Variants in KEL observed in about 807,000 individuals in gnomAD.
KEL encodes kell blood group glycoprotein.
KEL carries 96 observed loss-of-function variants against 99.5 expected under a neutral mutation model. The observed-to-expected ratio is 0.97, with a 90% CI of 0.82 to 1.14. The LOEUF (loss-of-function observed/expected upper bound fraction) is 1.14. Ranked by LOEUF, KEL falls within the 50% of genes most tolerant of loss-of-function variation. The pLI, the probability that KEL is intolerant of heterozygous loss-of-function variation, is 0.00. For missense variants in KEL, 926 were observed against 924.2 expected, an observed-to-expected ratio of 1.00 and a Z score of -0.03; for synonymous variants, 355 against 354.8, an observed-to-expected ratio of 1.00 and a Z score of -0.01.
rs772817119 is a variant in KEL, at chr7:142,954,153, C to T, written c.924+31G>A. 3 of 1,598,752 alleles carry T rather than the reference C, an allele frequency of 1.9e-6. No homozygotes were observed. The African/African-American group carries it at 4.0e-5, about 21-fold the overall frequency. On this transcript the variant is annotated intron_variant, in intron 8 of 18. Transcript: ENST00000355265. ...ATGTTTGAGAGGAAGATCCCCATGC[C>T]CACAGTCTTCTGGCCCCCAGTTCCA...
At chr7:142,945,680 G>A (rs1419151601) in intron 11 of KEL, among the ~76,000 whole-genome samples, 1 of 151,906 alleles carries the variant, frequency 6.6e-6, no homozygotes, top group Admixed American at 6.6e-5. Flanking sequence ...CCAGGCTAGA[G>A]TACAATGGCG....
At chr7:142,941,519 C>T in intron 18 of KEL, 106 bp from the exon 19 acceptor site, 3 of 1,067,610 alleles carry the variant, frequency 2.8e-6, no homozygotes, top group Non-Finnish European at 4.1e-6. Flanking sequence ...ACCAGGGGAT[C>T]AAGTGCCCCA....
chr7:142,958,453 G>T, intron 4 of KEL, 25 bp from the exon 5 acceptor site: 1 of 1,612,390 alleles, frequency 6.2e-7, no homozygotes, highest in Admixed American at 1.7e-5. Context: ...TGGGAGTGAG[G>T]ACTAAACTCT....
At chr7:142,960,907 C>A (rs766787214) in intron 4 of KEL, 21 bp downstream of exon 4, 2 of 1,613,560 alleles carry the variant, frequency 1.2e-6, no homozygotes, top group South Asian at 2.2e-5. Flanking sequence ...CACAGAGCAT[C>A]TTCCACCCTG....
Position 142,957,961 on chromosome 7 carries a change from G to A in KEL, c.538C>T (p.Arg180Cys), listed in dbSNP as rs747437444. ...RQVIEELGGWRISGKWTSLNF... is the reference protein window; with the variant it reads ...RQVIEELGGWCISGKWTSLNF... Reference sequence around the variant, plus strand: ...AAGGAAGTCCATTTACCAGAGATGCGCCAGCCTCCAAGCTTTAAAGGAGAG... The same window carrying A: ...AAGGAAGTCCATTTACCAGAGATGCACCAGCCTCCAAGCTTTAAAGGAGAG... The change falls in exon 6 of 19, where the codon CGC becomes TGC. Residue 180 changes from arginine (R) to cysteine (C), a missense_variant. Transcript: ENST00000355265. The A allele has an allele frequency of 2.2e-5, 36 of 1,613,998 alleles. 1 individual carries two copies. Among genetic ancestry groups the A allele is most frequent in the South Asian group, 1.1e-4 (10 of 91,050 alleles).
chr7:142,950,604 C>T (rs1253390165), intron 10 of KEL, among the ~76,000 whole-genome samples: 1 of 152,232 alleles, frequency 6.6e-6, no homozygotes, highest in African/African-American at 2.4e-5. Context: ...ATCTCTCCCT[C>T]TTGGGAACTC....
chr7:142,943,789 TG>T lies in KEL; in HGVS notation c.1585del (p.Gln529AsnfsTer22). 1.2e-6 allele frequency: 2 copies of T among 1,613,806 alleles called. No individual in the cohort carries two copies. The highest frequency in any genetic ancestry group is 1.7e-6 in the Non-Finnish European group (2 of 1,179,720). On this transcript the variant is annotated frameshift_variant, in exon 14 of 19. Transcript: ENST00000355265. LOFTEE classifies it high-confidence loss of function. Reference protein sequence around the residue: ...IVQSFLQPHPQHRWKVSPWDV... With the variant: ...IVQSFLQPHPXHRWKVSPWDV... ...GTCTCCCCTGCTGTCATACCTGTGT[TG>T]GGGGTGAGGCTGCAAGAAGCTCTGG...
At chr7:142,945,441 G>C (rs753530329) in intron 11 of KEL, among the ~76,000 whole-genome samples, 1 of 152,174 alleles carries the variant, frequency 6.6e-6, no homozygotes, top group Non-Finnish European at 1.5e-5. Flanking sequence ...ACTAAATGAC[G>C]TAGTTCATGC....
intron 2 of KEL, 109 bp downstream of exon 2, chr7:142,961,686 G>C: frequency 7.7e-7 from 1 of 1,294,376 alleles, no homozygotes. Context: ...AATGTCAACT[G>C]TTTTGGGTGA....
intron 4 of KEL, among the ~76,000 whole-genome samples, chr7:142,958,846 C>T (rs1796891902): frequency 6.6e-6 from 1 of 152,178 alleles, no homozygotes; most frequent in African/African-American, 2.4e-5. Context: ...ACTTCGGTCT[C>T]CGCAATCTTT....
chr7:142,944,586 T>C, intron 12 of KEL, 57 bp downstream of exon 12: 4 of 1,451,118 alleles, frequency 2.8e-6, no homozygotes, highest in Non-Finnish European at 3.9e-6. Context: ...ATCTCGCTTG[T>C]TCCAATACTC....
chr7:142,943,205 C>A, intron 16 of KEL, 71 bp downstream of exon 16: 3 of 1,580,742 alleles, frequency 1.9e-6, no homozygotes, highest in Non-Finnish European at 2.6e-6. Flanking sequence ...TCCCTTTCCC[C>A]TCCAGGCCTC....
intron 10 of KEL, among the ~76,000 whole-genome samples, chr7:142,951,113 A>ACTCTGC (rs1363660601): frequency 6.6e-6 from 1 of 152,244 alleles, no homozygotes; most frequent in Non-Finnish European, 1.5e-5. Context: ...CCCCAAGGTC[A>ACTCTGC]CACAACTATT....
intron 4 of KEL, 39 bp downstream of exon 4, chr7:142,960,889 C>T (rs1796938134): frequency 1.2e-6 from 2 of 1,600,996 alleles, no homozygotes; most frequent in South Asian, 1.1e-5. Context: ...CACAGAGTCA[C>T]CCACTTGCAC....
Position 142,946,336 on chromosome 7 carries a change from A to G in KEL, c.1204-19T>C, listed in dbSNP as rs778356542. 1.3e-6 allele frequency: 2 copies of G among 1,575,774 alleles called. No homozygotes were observed. The highest frequency in any genetic ancestry group is 1.7e-6 in the Non-Finnish European group (2 of 1,147,500). On this transcript the variant is annotated intron_variant, in intron 10 of 18. Coordinates refer to ENST00000355265, the MANE Select transcript of KEL (RefSeq NM_000420.3). Reference sequence around the variant, plus strand: ...GGGCAGGCTATGGAGACAAAGCTGGAATGAGTGGCTCCTGTTCAGGACTCT... The same window carrying G: ...GGGCAGGCTATGGAGACAAAGCTGGGATGAGTGGCTCCTGTTCAGGACTCT...
intron 2 of KEL, 120 bp from the exon 3 acceptor site, chr7:142,961,621 C>G (rs1253067843): frequency 1.5e-6 from 2 of 1,377,854 alleles, no homozygotes; most frequent in Non-Finnish European, 2.1e-6. Flanking sequence ...AATAATTATC[C>G]CAATTCTTCC....
chr7:142,961,135 A>G (rs757441229), intron 3 of KEL, 31 bp from the exon 4 acceptor site: 1 of 1,611,608 alleles, frequency 6.2e-7, no homozygotes, highest in Admixed American at 1.7e-5. Flanking sequence ...CTGGGAAAGA[A>G]GAGGCAAAAA....
intron 9 of KEL, among the ~76,000 whole-genome samples, chr7:142,953,015 A>G (rs997629410): frequency 6.6e-6 from 1 of 152,082 alleles, no homozygotes; most frequent in Non-Finnish European, 1.5e-5. Flanking sequence ...TCTCTCCTCC[A>G]CCAGCAATGC....
rs1796400710 is a variant in KEL, at chr7:142,942,869, G to A, written c.1941+6C>T. On this transcript the variant is annotated splice_donor_region_variant and intron_variant, in intron 17 of 18. Coordinates refer to ENST00000355265, the MANE Select transcript of KEL (RefSeq NM_000420.3). ...ACATAAACTGTGGCCCTTGACACTT[G>A]CATACCTGCAGCGCGATGGCTAGCC... The A allele has an allele frequency of 6.2e-7, 1 of 1,614,018 alleles. No homozygotes were observed. The highest frequency in any genetic ancestry group is 1.1e-5 in the South Asian group (1 of 91,086).
Sources: gnomAD v4.1 joint callset for allele counts (sites outside exome capture counted in the v4.1 genomes callset) on GRCh38, gnomAD v4.1.1 for gene constraint, MANE v1.5 for transcripts, NCBI Gene and HGNC (gene_info 2026-07-23, HGNC 2026-07-21) for gene names.